Variants in EPHA8 observed in about 807,000 individuals in gnomAD.
EPHA8 encodes the protein ephrin type-A receptor 8.
EPHA8 carries 58 observed loss-of-function variants against 103.6 expected under a neutral mutation model. The ratio of observed to expected loss-of-function variants is 0.56; its 90% CI spans 0.45 to 0.70. EPHA8 has a LOEUF of 0.70. EPHA8 is among the 30% of genes least tolerant of loss of function. EPHA8 has a pLI of 0.00. For missense variants in EPHA8, 1,304 were observed against 1,395.2 expected (o/e 0.93, Z 1.04); for synonymous variants, 559 against 572.5 (o/e 0.98, Z 0.34).
intron 1 of EPHA8, among the ~76,000 whole-genome samples, chr1:22,566,802 A>G (rs1326862956): frequency 2.0e-5 from 3 of 151,890 alleles, no homozygotes; most frequent in East Asian, 1.9e-4. Flanking sequence ...CAAACCTCCT[A>G]TGGACTTGGG....
chr1:22,580,151 TTTTG>T (rs1160624226), intron 3 of EPHA8, among the ~76,000 whole-genome samples: 5 of 82,134 alleles, frequency 6.1e-5, no homozygotes, highest in African/African-American at 1.8e-4. Context: ...TTTTTTTTTT[TTTTG>T]GAGACGGAGT....
chr1:22,579,502 C>T (rs536291790), intron 3 of EPHA8, among the ~76,000 whole-genome samples: 15 of 149,884 alleles, frequency 1.0e-4, no homozygotes, highest in East Asian at 4.0e-4. Context: ...GCATGGTGTG[C>T]GCATGTGTGT....
chr1:22,599,684 AAGGAAAGG>A (rs373200466), intron 13 of EPHA8, among the ~76,000 whole-genome samples: 706 of 43,296 alleles, frequency 0.016, 24 homozygotes, highest in Non-Finnish European at 0.019. Context: ...GGAGGGAAGG[AAGGAAAGG>A]AGGGAGGGAG....
At position 22,576,437 on chromosome 1, in the gene EPHA8, T is replaced by A; in HGVS notation, c.380T>A (p.Leu127Gln). ...AAGGAGACCTTCAACCTCTACTACC[T>A]GGAGTCGGACCGCGACCTGGGGGCC... ...TCKETFNLYY[L>Q]ESDRDLGAST... Residue 127 changes from leucine to glutamine, a missense_variant, in exon 3 of 17, where the codon CTG becomes CAG. Transcript: ENST00000166244. This position sits in a 1 kb window ranked among gnomAD's most constrained non-coding sequence, Gnocchi z 4.8. The A allele has an allele frequency of 6.2e-7, 1 of 1,613,982 alleles. No homozygotes were observed. Among genetic ancestry groups the A allele is most frequent in the Non-Finnish European group, 8.5e-7 (1 of 1,180,020 alleles).
At position 22,600,933 on chromosome 1, in the gene EPHA8, C is replaced by G; in HGVS notation, c.2574C>G (p.Pro858=). 2.5e-6 allele frequency: 4 copies of G among 1,611,584 alleles called. No individual in the cohort carries two copies. Among genetic ancestry groups the G allele is most frequent in the Non-Finnish European group, 2.5e-6 (3 of 1,179,148 alleles). The change falls in exon 15 of 17, where the codon CCC becomes CCG. Residue 858 remains proline, a synonymous_variant. Coordinates refer to ENST00000166244, the MANE Select transcript of EPHA8 (RefSeq NM_020526.5). ...ISSVEEGYRL[P]APMGCPHALH... Reference sequence around the variant, plus strand: ...CTGTGGAGGAGGGGTACCGCCTGCCCGCACCCATGGGCTGCCCCCACGCCC... The same window carrying G: ...CTGTGGAGGAGGGGTACCGCCTGCCGGCACCCATGGGCTGCCCCCACGCCC...
chr1:22,574,977 G>A (rs1194541253), intron 2 of EPHA8, among the ~76,000 whole-genome samples: 1 of 152,032 alleles, frequency 6.6e-6, no homozygotes, highest in Admixed American at 6.6e-5. Context: ...TTAAGAGGGA[G>A]TCTCGCTCTG....
chr1:22,587,750 T>C (rs1012040134), intron 4 of EPHA8, among the ~76,000 whole-genome samples: 7 of 152,278 alleles, frequency 4.6e-5, no homozygotes, highest in Non-Finnish European at 8.8e-5. Flanking sequence ...CATACATCCA[T>C]CACCACCCAG....
intron 13 of EPHA8, among the ~76,000 whole-genome samples, chr1:22,599,644 AGGGAAGGAAGGAAAGGAGGG>A (rs1641625378): frequency 1.7e-5 from 1 of 59,546 alleles, no homozygotes; most frequent in Non-Finnish European, 2.9e-5. Context: ...GAAGGGAGGG[AGGGAAGGAAGGAAAGGAGGG>A]AGGGAGGAAG....
chr1:22,599,653 A>G (rs546951894), intron 13 of EPHA8, among the ~76,000 whole-genome samples: 122 of 44,830 alleles, frequency 2.7e-3, no homozygotes, highest in East Asian at 4.8e-3. Context: ...GAGGGAAGGA[A>G]GGAAAGGAGG....
chr1:22,601,483 G>A lies in EPHA8; in HGVS notation c.2903+10G>A, dbSNP rs758682579. 1 of 1,609,348 alleles carries A rather than the reference G, an allele frequency of 6.2e-7. No homozygotes were observed. The highest frequency in any genetic ancestry group is 1.1e-5 in the South Asian group (1 of 91,046). On this transcript the variant is annotated intron_variant, in intron 16 of 16. Transcript: ENST00000166244. ...TACGCATGAACGCCCAGTGAGTGAT[G>A]GGTGGGGCTGGGGCCCCATGCGTGT...
At chr1:22,581,406 A>T (rs1301429633) in intron 3 of EPHA8, among the ~76,000 whole-genome samples, 1 of 152,268 alleles carries the variant, frequency 6.6e-6, no homozygotes, top group Non-Finnish European at 1.5e-5. Flanking sequence ...TATTTGTCCC[A>T]GGTGAACTGA....
At chr1:22,595,408 TC>T in intron 8 of EPHA8, 85 bp downstream of exon 8, 2 of 1,137,360 alleles carry the variant, frequency 1.8e-6, no homozygotes, top group Non-Finnish European at 2.6e-6. Flanking sequence ...GAGCCGGTGG[TC>T]CCCGTGTGCC....
At chr1:22,573,614 C>T (rs1045870544) in intron 2 of EPHA8, among the ~76,000 whole-genome samples, 3 of 152,160 alleles carry the variant, frequency 2.0e-5, no homozygotes, top group African/African-American at 7.2e-5. Flanking sequence ...CAAGGTGTTG[C>T]ATGCGTGGAG....
chr1:22,591,234 A>T (rs1557574402), intron 5 of EPHA8, among the ~76,000 whole-genome samples: 3 of 151,712 alleles, frequency 2.0e-5, no homozygotes, highest in Admixed American at 6.6e-5. Context: ...TACAAAAAAA[A>T]TTTTTTTTGA....
intron 3 of EPHA8, among the ~76,000 whole-genome samples, chr1:22,578,481 A>C (rs570625984): frequency 2.0e-5 from 2 of 98,714 alleles, no homozygotes; most frequent in Admixed American, 2.0e-4. Context: ...CATGTGCATG[A>C]GTGTGTGCAT....
rs1264948530 is a variant in EPHA8, at chr1:22,569,785, A to G, written c.159+432A>G. Among the ~76,000 whole-genome samples, 1 of 152,068 alleles carries G rather than the reference A, an allele frequency of 6.6e-6. No homozygotes were observed. Among genetic ancestry groups the G allele is most frequent in the African/African-American group, 2.4e-5 (1 of 41,398 alleles). On this transcript the variant is annotated intron_variant, in intron 2 of 16. Coordinates refer to ENST00000166244, the MANE Select transcript of EPHA8 (RefSeq NM_020526.5). This position sits in a 1 kb window ranked among gnomAD's most constrained non-coding sequence, Gnocchi z 4.5. ...TGTGGCCAAGCTCCCGGTCCTGGCC[A>G]CAGACTCTGGACTCAGCCTTCAGGT...
Position 22,578,875 on chromosome 1 carries a change from C to CATGCATGTGTGTATATG in EPHA8, c.823+1995_823+1996insATGCATGTGTGTATATG, listed in dbSNP as rs1557561811. ...CATGCATGTGTGTATATGCACGTGT[C>CATGCATGTGTGTATATG]CGTGTGTCCGTGTGTGCATGTGTGC... On this transcript the variant is annotated intron_variant, in intron 3 of 16. Transcript: ENST00000166244. Among the ~76,000 whole-genome samples the CATGCATGTGTGTATATG allele has an allele frequency of 1.8e-3, 185 of 105,164 alleles. 1 individual carries two copies. The highest frequency in any genetic ancestry group is 9.7e-3 in the African/African-American group (173 of 17,884). The allele number at this position is 105,164 out of a possible 152,430, so 69.0% of individuals were successfully genotyped here. A position where few individuals can be genotyped will look rare whatever the true frequency, so the allele number is the denominator to read the frequency against.
chr1:22,577,880 T>C (rs1015832061), intron 3 of EPHA8, among the ~76,000 whole-genome samples: 1 of 107,172 alleles, frequency 9.3e-6, no homozygotes, highest in Non-Finnish European at 1.9e-5. Flanking sequence ...TGTGGGCCTG[T>C]GTTCATGAGT....
chr1:22,601,881 G>A lies in EPHA8; in HGVS notation c.*140G>A, dbSNP rs1003059893. The A allele has an allele frequency of 3.1e-5, 27 of 860,240 alleles. No homozygotes were observed. Among genetic ancestry groups the A allele is most frequent in the Middle Eastern group, 3.3e-4 (1 of 2,994 alleles). 53.3% of individuals were successfully genotyped at this position (860,240 alleles called of 1,614,324 possible). A position where few individuals can be genotyped will look rare whatever the true frequency, so the allele number is the denominator to read the frequency against. On this transcript the variant is annotated 3_prime_UTR_variant, in exon 17 of 17. Transcript: ENST00000166244. ...AGGTGCTGGAGGAGCTGAAGGCTTC[G>A]CCACAGGACCTGGAGTTATCAGGGG...
Sources: allele counts gnomAD v4.1 joint callset (sites outside exome capture counted in the v4.1 genomes callset), GRCh38; gene constraint gnomAD v4.1.1; non-coding constraint Gnocchi (gnomAD v3.1); transcripts MANE v1.5; gene names NCBI Gene and HGNC (gene_info 2026-07-23, HGNC 2026-07-21).